PDK3: variants seen among roughly 807,000 people sequenced by gnomAD.
PDK3 encodes the protein pyruvate dehydrogenase kinase, isozyme 3.
Under a neutral mutation model 32.0 loss-of-function variants are expected in PDK3, and 12 were observed. That is an observed-to-expected ratio of 0.37 (90% CI 0.24 to 0.61). The LOEUF (loss-of-function observed/expected upper bound fraction) is 0.61. PDK3 is among the 20% of genes least tolerant of loss of function. PDK3 has a pLI of 0.65. For missense variants in PDK3, 188 were observed against 316.9 expected (o/e 0.59, Z 3.09); for synonymous variants, 122 against 116.3 (o/e 1.05, Z -0.31).
intron 1 of PDK3, among the ~76,000 whole-genome samples, chrX:24,490,411 G>A (rs1921523933): frequency 1.1e-5 from 1 of 92,738 alleles, no homozygotes; most frequent in African/African-American, 4.4e-5. Context: ...GAATGCTCTA[G>A]TCAAGATTCA....
intron 3 of PDK3, among the ~76,000 whole-genome samples, chrX:24,500,409 T>C (rs1359535325): frequency 9.0e-6 from 1 of 111,495 alleles, no homozygotes; most frequent in African/African-American, 3.3e-5. Context: ...CTGGAACCAG[T>C]CCCCTGCGGA....
intron 6 of PDK3, among the ~76,000 whole-genome samples, chrX:24,519,571 T>C (rs1456297133): frequency 2.7e-5 from 3 of 109,750 alleles, no homozygotes; most frequent in Non-Finnish European, 5.7e-5. Flanking sequence ...GGTTTCACCA[T>C]GTTGGCCAGG....
At chrX:24,470,107 A>G (rs1033603878) in intron 1 of PDK3, among the ~76,000 whole-genome samples, 1 of 112,125 alleles carries the variant, frequency 8.9e-6, no homozygotes, top group Admixed American at 9.4e-5. Context: ...TTGTCTGTAG[A>G]TGTTGTATGT....
At chrX:24,477,259 A>G (rs955697130) in intron 1 of PDK3, among the ~76,000 whole-genome samples, 6 of 112,006 alleles carry the variant, frequency 5.4e-5, no homozygotes, top group Admixed American at 2.9e-4. Context: ...TAGGTAACAT[A>G]GGAATGAAAA....
At chrX:24,544,671 C>T (rs957835450) in exon 12 of PDK3, among the ~76,000 whole-genome samples, 5 of 112,077 alleles carry the variant, frequency 4.5e-5, no homozygotes, top group Non-Finnish European at 9.4e-5. Context: ...TTCGATTCAT[C>T]CCCAACTTGG....
chrX:24,540,889 CTTTTTTTTTTTTTTTT>C (rs369307335), exon 12 of PDK3, among the ~76,000 whole-genome samples: 6 of 36,676 alleles, frequency 1.6e-4, no homozygotes, highest in Admixed American at 1.4e-3. Context: ...CCCTAGCTTC[CTTTTTTTTTTTTTTTT>C]TTTTTTTTTT....
intron 10 of PDK3, among the ~76,000 whole-genome samples, chrX:24,533,452 T>C (rs775907618): frequency 8.9e-6 from 1 of 112,049 alleles, no homozygotes; most frequent in African/African-American, 3.2e-5. Flanking sequence ...CCCAGGCATT[T>C]CAAAGGGATA....
At chrX:24,488,085 G>A (rs1032735625) in intron 1 of PDK3, among the ~76,000 whole-genome samples, 4 of 105,981 alleles carry the variant, frequency 3.8e-5, no homozygotes, top group African/African-American at 1.4e-4. Context: ...TTTTTCTGCC[G>A]CCTGTAAATT....
rs958530922 is a variant in PDK3, at chrX:24,499,012, C to T, written c.320+112C>T. ...GAGTATGAATGTGGACAAAAGCGTT[C>T]ATTTTCTTAATGAGTAGTGACTCAA... On this transcript the variant is annotated intron_variant, in intron 3 of 10. Transcript: ENST00000379162. 9 of 389,488 alleles carry T rather than the reference C, an allele frequency of 2.3e-5. No individual in the cohort carries two copies. The East Asian group carries it at 3.6e-4, about 16-fold the overall frequency. 32.1% of individuals were successfully genotyped at this position (389,488 alleles called of 1,213,427 possible). A position where few individuals can be genotyped will look rare whatever the true frequency, so the allele number is the denominator to read the frequency against.
At chrX:24,466,703 G>A (rs1940068098) in intron 1 of PDK3, among the ~76,000 whole-genome samples, 2 of 111,016 alleles carry the variant, frequency 1.8e-5, no homozygotes, top group African/African-American at 6.6e-5. Context: ...AATTTTAGAA[G>A]CCAATTTGCC....
At chrX:24,518,856 C>T in intron 5 of PDK3, 77 bp from the exon 6 acceptor site, 1 of 553,263 alleles carries the variant, frequency 1.8e-6, no homozygotes, top group Non-Finnish European at 3.0e-6. Flanking sequence ...CACACACACA[C>T]ACACACACAC....
At chrX:24,523,943 C>A (rs746758596) in intron 6 of PDK3, among the ~76,000 whole-genome samples, 15 of 112,200 alleles carry the variant, frequency 1.3e-4, no homozygotes, top group African/African-American at 4.9e-4. Context: ...ATGGATCAGA[C>A]CTTCAGCAAA....
chrX:24,490,470 C>T (rs898378485), intron 1 of PDK3, among the ~76,000 whole-genome samples: 2 of 111,687 alleles, frequency 1.8e-5, no homozygotes, highest in African/African-American at 6.5e-5. Context: ...TTGTCATCAA[C>T]GCCCCGCAGG....
chrX:24,530,429 T>G (rs951233336), intron 9 of PDK3, among the ~76,000 whole-genome samples: 20 of 111,947 alleles, frequency 1.8e-4, no homozygotes, highest in Non-Finnish European at 3.6e-4. Context: ...ATTTTATACT[T>G]GTTATATTAT....
At chrX:24,541,553 TACTC>T (rs376310626) in exon 12 of PDK3, among the ~76,000 whole-genome samples, 22 of 112,722 alleles carry the variant, frequency 2.0e-4, no homozygotes, top group African/African-American at 6.7e-4. Flanking sequence ...CTTTTTGGCT[TACTC>T]ACATCCATCT....
intron 1 of PDK3, among the ~76,000 whole-genome samples, chrX:24,479,637 AT>A (rs1279450075): frequency 9.0e-6 from 1 of 110,621 alleles, no homozygotes; most frequent in Non-Finnish European, 1.9e-5. Flanking sequence ...ACAAAAAAAA[AT>A]TAGCCAGGCG....
chrX:24,498,696 A>G, intron 2 of PDK3, 133 bp from the exon 3 acceptor site: 1 of 394,032 alleles, frequency 2.5e-6, no homozygotes, highest in East Asian at 4.4e-5. Flanking sequence ...CTTAAGCCAC[A>G]TGGGGGATGC....
In PDK3 at chrX:24,494,829, ATCT is replaced by A; in HGVS notation, c.198_200del (p.Leu67del). The A allele has an allele frequency of 1.7e-6, 2 of 1,205,657 alleles. No homozygotes were observed. Among genetic ancestry groups the A allele is most frequent in the Non-Finnish European group, 2.2e-6 (2 of 890,556 alleles). On this transcript the variant is annotated inframe_deletion, in exon 2 of 11. Transcript: ENST00000379162. ...CTGGCTAACACAATGAGAGAAGTTA[ATCT>A]TCTGCCGGATAATTTACTTAACCGC...
chrX:24,509,648 TC>T (rs1393338175), intron 5 of PDK3, among the ~76,000 whole-genome samples: 1 of 111,107 alleles, frequency 9.0e-6, no homozygotes, highest in Non-Finnish European at 1.9e-5. Context: ...AACAGCATCC[TC>T]CCTTAAGGAA....
Sources: gnomAD v4.1 joint callset for allele counts (sites outside exome capture counted in the v4.1 genomes callset) on GRCh38, gnomAD v4.1.1 for gene constraint, MANE v1.5 for transcripts, NCBI Gene and HGNC (gene_info 2026-07-23, HGNC 2026-07-21) for gene names.